ZZZ3: variants seen among roughly 807,000 people sequenced by gnomAD.
ZZZ3 encodes the protein ZZ-type zinc finger-containing protein 3.
In ZZZ3, 22 loss-of-function variants were observed where a neutral mutation model predicts 95.2. That is an observed-to-expected ratio of 0.23 (90% CI 0.17 to 0.33). The LOEUF is 0.33. Among genes scored for constraint, ZZZ3 ranks in the 10% least tolerant of loss-of-function variants. ZZZ3 has a pLI of 1.00. For synonymous variants in ZZZ3, 335 were observed against 358.9 expected (o/e 0.93, Z 0.75); for missense variants, 885 against 1,066.5 (o/e 0.83, Z 2.37).
intron 1 of ZZZ3, among the ~76,000 whole-genome samples, chr1:77,646,970 C>T (rs190043726): frequency 2.6e-5 from 4 of 152,250 alleles, no homozygotes; most frequent in Admixed American, 2.0e-4. Context: ...AGATAATCTG[C>T]AGGGGACCTC....
chr1:77,651,530 T>C (rs1669805315), intron 1 of ZZZ3, among the ~76,000 whole-genome samples: 2 of 152,098 alleles, frequency 1.3e-5, no homozygotes, highest in Non-Finnish European at 2.9e-5. Flanking sequence ...TTATCTAAAA[T>C]TGTCAAATTA....
intron 1 of ZZZ3, among the ~76,000 whole-genome samples, chr1:77,648,665 G>A (rs1669523702): frequency 6.6e-6 from 1 of 152,118 alleles, no homozygotes; most frequent in South Asian, 2.1e-4. Context: ...AAACCTAACA[G>A]AGAGAAACAA....
chr1:77,671,760 A>C (rs1023312083), intron 1 of ZZZ3, among the ~76,000 whole-genome samples: 3 of 152,154 alleles, frequency 2.0e-5, no homozygotes, highest in Admixed American at 2.0e-4. Flanking sequence ...AAATCACCTA[A>C]AGCAGCTCTT....
intron 1 of ZZZ3, among the ~76,000 whole-genome samples, chr1:77,648,433 T>C (rs1248332723): frequency 6.6e-6 from 1 of 151,196 alleles, no homozygotes; most frequent in African/African-American, 2.4e-5. Context: ...GAAAAAGAAC[T>C]GTACATGACA....
At chr1:77,647,188 G>A (rs1464640360) in intron 1 of ZZZ3, among the ~76,000 whole-genome samples, 1 of 152,044 alleles carries the variant, frequency 6.6e-6, no homozygotes, top group Non-Finnish European at 1.5e-5. Context: ...AAAAATACAT[G>A]GCAACACATT....
chr1:77,664,710 C>T (rs1203989792), intron 1 of ZZZ3, among the ~76,000 whole-genome samples: 3 of 152,116 alleles, frequency 2.0e-5, no homozygotes, highest in East Asian at 3.8e-4. Flanking sequence ...CACAACTGTA[C>T]ATTTATTCAA....
intron 11 of ZZZ3, among the ~76,000 whole-genome samples, chr1:77,577,782 G>T (rs765847954): frequency 6.6e-6 from 1 of 152,100 alleles, no homozygotes; most frequent in South Asian, 2.1e-4. Flanking sequence ...CACCACACCC[G>T]GCTAATTTTT....
chr1:77,609,378 A>G (rs1336436678), intron 5 of ZZZ3, among the ~76,000 whole-genome samples: 2 of 152,206 alleles, frequency 1.3e-5, no homozygotes, highest in African/African-American at 2.4e-5. Context: ...TGAAGCACTC[A>G]GATATATAAA....
chr1:77,645,988 A>C (rs1669232250), intron 1 of ZZZ3, among the ~76,000 whole-genome samples: 1 of 152,046 alleles, frequency 6.6e-6, no homozygotes, highest in Non-Finnish European at 1.5e-5. Flanking sequence ...AAAAAAAAAA[A>C]ATTCAGATTC....
chr1:77,673,982 T>C (rs1259087270), intron 1 of ZZZ3, among the ~76,000 whole-genome samples: 1 of 136,958 alleles, frequency 7.3e-6, no homozygotes, highest in African/African-American at 2.8e-5. Flanking sequence ...TCCTGTACCA[T>C]AGTTTTTAAA....
intron 5 of ZZZ3, among the ~76,000 whole-genome samples, chr1:77,604,990 T>C (rs768319343): frequency 6.6e-6 from 1 of 152,126 alleles, no homozygotes; most frequent in Non-Finnish European, 1.5e-5. Context: ...TAGCCGAGTA[T>C]AAGGCTCCAC....
chr1:77,653,961 G>T (rs932820204), intron 1 of ZZZ3, among the ~76,000 whole-genome samples: 1 of 152,040 alleles, frequency 6.6e-6, no homozygotes, highest in African/African-American at 2.4e-5. Context: ...GGCCAAGGCG[G>T]GTGGATCAAG....
intron 13 of ZZZ3, among the ~76,000 whole-genome samples, chr1:77,567,463 T>C (rs2100455224): frequency 6.6e-6 from 1 of 152,330 alleles, no homozygotes; most frequent in East Asian, 1.9e-4. Flanking sequence ...AGAATGATTC[T>C]TTCCAAAACG....
intron 5 of ZZZ3, 80 bp downstream of exon 5, chr1:77,631,769 TA>T: frequency 2.5e-6 from 3 of 1,188,452 alleles, no homozygotes; most frequent in Non-Finnish European, 2.3e-6. Context: ...TTGGCTGTAA[TA>T]AAAACACTAC....
intron 1 of ZZZ3, among the ~76,000 whole-genome samples, chr1:77,677,523 C>T (rs1274558081): frequency 1.3e-5 from 2 of 152,110 alleles, no homozygotes; most frequent in African/African-American, 4.8e-5. Flanking sequence ...TATAGGGTAA[C>T]AACCACTCGA....
rs536413262 is a variant in ZZZ3 at position 77,679,298 on chromosome 1, T to C, written c.-403+3287A>G. 7.9e-5 allele frequency among the ~76,000 whole-genome samples: 12 copies of C among 152,194 alleles called. No individual in the cohort carries two copies. In the East Asian group the frequency reaches 2.1e-3, roughly 27 times the overall value. On this transcript the variant is annotated intron_variant, in intron 1 of 14. Transcript: ENST00000370801. ...CCAAACTGAATTTTCATATGAAATTTAGGTGTTTTTATTTTATTTTTGACA... is the reference window on the plus strand; with the variant it reads ...CCAAACTGAATTTTCATATGAAATTCAGGTGTTTTTATTTTATTTTTGACA...
chr1:77,586,481 G>A (rs761807793), intron 5 of ZZZ3, among the ~76,000 whole-genome samples: 3 of 152,186 alleles, frequency 2.0e-5, no homozygotes, highest in South Asian at 2.1e-4. Flanking sequence ...ATTGGCAGCC[G>A]TCTTTTTGTT....
At position 77,565,505 on chromosome 1, in the gene ZZZ3, G is replaced by C; in HGVS notation, c.*135C>G. 1.1e-6 allele frequency: 1 copy of C among 889,564 alleles called. No individual in the cohort carries two copies. The highest frequency in any genetic ancestry group is 1.7e-6 in the Non-Finnish European group (1 of 584,118). The allele number at this position is 889,564 out of a possible 1,614,324, so 55.1% of individuals were successfully genotyped here. ...AACGGTGCAGAGCTGTACTTGACGA[G>C]AACACTCAGGAAGCTCTCATGCTGT... is the stretch of plus-strand genomic sequence containing the variant. On this transcript the variant is annotated 3_prime_UTR_variant, in exon 15 of 15. Transcript: ENST00000370801.
chr1:77,613,444 C>T (rs1224630162), intron 5 of ZZZ3, among the ~76,000 whole-genome samples: 1 of 150,756 alleles, frequency 6.6e-6, no homozygotes, highest in Non-Finnish European at 1.5e-5. Flanking sequence ...TTATTCTTCA[C>T]TGCTATTCCA....
Sources: allele counts gnomAD v4.1 joint callset (sites outside exome capture counted in the v4.1 genomes callset), GRCh38; gene constraint gnomAD v4.1.1; transcripts MANE v1.5; gene names NCBI Gene and HGNC (gene_info 2026-07-23, HGNC 2026-07-21).